The following ANKRD12 variants were observed in gnomAD, a reference collection of about 807,000 sequenced individuals.
ANKRD12 encodes ankyrin repeat domain-containing protein 12.
ANKRD12 carries 85 observed loss-of-function variants against 183.4 expected under a neutral mutation model. That is an observed-to-expected ratio of 0.46 (90% CI 0.39 to 0.56). ANKRD12 has a LOEUF of 0.56. ANKRD12 is among the 20% of genes least tolerant of loss of function. ANKRD12 has a pLI of 0.00. For synonymous variants in ANKRD12, 914 were observed against 800.2 expected (o/e 1.14, Z -2.40); for missense variants, 2,405 against 2,357.1 (o/e 1.02, Z -0.42).
intron 1 of ANKRD12, among the ~76,000 whole-genome samples, chr18:9,152,167 C>T (rs2078705455): frequency 6.6e-6 from 1 of 152,166 alleles, no homozygotes; most frequent in South Asian, 2.1e-4. Context: ...ATGCCCCCTT[C>T]TTTTTCAAAT....
At chr18:9,141,031 A>G (rs1280699043) in intron 1 of ANKRD12, among the ~76,000 whole-genome samples, 1 of 152,096 alleles carries the variant, frequency 6.6e-6, no homozygotes, top group Non-Finnish European at 1.5e-5. Context: ...CTCTGCCTCT[A>G]ATTAAGAGTG....
In ANKRD12 at chr18:9,258,566, C is replaced by T. The variant is rs139017810; in HGVS notation, c.5299C>T (p.Pro1767Ser). Residue 1767 changes from proline to serine, a missense_variant, in exon 9 of 13, where the codon CCT (proline) becomes TCT (serine). This residue lies in a region of ANKRD12 where 1,983 missense variants were observed against 1,725.9 expected (regional missense o/e 1.15). Coordinates refer to ENST00000262126, the MANE Select transcript of ANKRD12 (RefSeq NM_015208.5). ...LSEKDSESSS[P>S]RGRIRLTEDD... ...AGAAAAAGACAGTGAATCCTCATCT[C>T]CTAGAGGAAGAATAAGATTAACTGA... 54 of 1,613,622 alleles carry T rather than the reference C, an allele frequency of 3.3e-5. No homozygotes were observed. Among genetic ancestry groups the T allele is most frequent in the Non-Finnish European group, 4.2e-5 (49 of 1,179,876 alleles).
intron 1 of ANKRD12, among the ~76,000 whole-genome samples, chr18:9,157,606 T>A (rs1439731082): frequency 7.1e-6 from 1 of 141,442 alleles, no homozygotes; most frequent in Non-Finnish European, 1.5e-5. Context: ...TATATGTATT[T>A]TTTTTTTTTT....
In ANKRD12 at chr18:9,195,566, G is replaced by A; in HGVS notation, c.103G>A (p.Ala35Thr). ...TTTTTAATAGAGTAAAGACAAGATT[G>A]CATCCTACAGCAAAACTCCAAAAAT... ...PYGRKSKDKI[A>T]SYSKTPKIER... is the part of the protein sequence containing the mutation. Residue 35 changes from alanine (A) to threonine (T), a missense_variant, in exon 3 of 13, where the codon GCA becomes ACA. Around this residue, in one of 7 missense-constraint regions of ANKRD12, gnomAD observed 145 missense variants for 145.6 expected, o/e 1.00. Coordinates refer to ENST00000262126, the MANE Select transcript of ANKRD12 (RefSeq NM_015208.5). The A allele has an allele frequency of 6.2e-7, 1 of 1,605,566 alleles. No homozygotes were observed.
At chr18:9,151,469 C>T (rs980351709) in intron 1 of ANKRD12, among the ~76,000 whole-genome samples, 1 of 152,074 alleles carries the variant, frequency 6.6e-6, no homozygotes, top group African/African-American at 2.4e-5. Flanking sequence ...TTTAATTTTA[C>T]TTTCAAGAAG....
chr18:9,199,161 G>T (rs1373068345), intron 3 of ANKRD12, among the ~76,000 whole-genome samples: 1 of 152,020 alleles, frequency 6.6e-6, no homozygotes, highest in Non-Finnish European at 1.5e-5. Context: ...AGGCTTAGTG[G>T]TGTGTGCCTG....
rs764745333 is a variant in ANKRD12 at position 9,281,127 on chromosome 18, C to T, written c.*1C>T. The T allele has an allele frequency of 5.0e-5, 80 of 1,609,122 alleles. No individual in the cohort carries two copies. Among genetic ancestry groups the T allele is most frequent in the Non-Finnish European group, 6.6e-5 (78 of 1,176,600 alleles). Reference sequence around the variant, plus strand: ...CGACTTTGAATTGACTCCTATATAGCAGTCAGTACTTCCTGATGGTATTGT... The same window carrying T: ...CGACTTTGAATTGACTCCTATATAGTAGTCAGTACTTCCTGATGGTATTGT... On this transcript the variant is annotated 3_prime_UTR_variant, in exon 13 of 13. Transcript: ENST00000262126.
At chr18:9,163,302 C>T (rs1476641594) in intron 1 of ANKRD12, among the ~76,000 whole-genome samples, 1 of 152,140 alleles carries the variant, frequency 6.6e-6, no homozygotes, top group Non-Finnish European at 1.5e-5. Context: ...AATAGGGAAT[C>T]CTTTCTTCAT....
chr18:9,193,119 T>C (rs1212114192), intron 2 of ANKRD12, among the ~76,000 whole-genome samples: 1 of 150,858 alleles, frequency 6.6e-6, no homozygotes, highest in Non-Finnish European at 1.5e-5. Flanking sequence ...TTTAATAGTA[T>C]AAAATTGAGT....
At chr18:9,221,759 A>G in intron 7 of ANKRD12, 93 bp from the exon 8 acceptor site, 1 of 1,289,488 alleles carries the variant, frequency 7.8e-7, no homozygotes, top group Non-Finnish European at 1.1e-6. Flanking sequence ...ATGAGGTAAC[A>G]CTCAGAAGGA....
At chr18:9,244,115 C>G (rs747035699) in intron 8 of ANKRD12, among the ~76,000 whole-genome samples, 3 of 152,174 alleles carry the variant, frequency 2.0e-5, no homozygotes, top group Non-Finnish European at 4.4e-5. Flanking sequence ...ACCTGGACAA[C>G]AAGAGCGAAA....
At chr18:9,192,971 A>G (rs1040010367) in intron 2 of ANKRD12, among the ~76,000 whole-genome samples, 5 of 151,750 alleles carry the variant, frequency 3.3e-5, no homozygotes, top group Non-Finnish European at 7.4e-5. Flanking sequence ...GATTTTAGCC[A>G]CTGCACCCAG....
chr18:9,256,415 G>C lies in ANKRD12; in HGVS notation c.3148G>C (p.Asp1050His). Reference sequence around the variant, plus strand: ...CTTACTCAAACTAAAATCTGAAGCAGATAAGCCTAAACCTAAGTCATCACC... The same window carrying C: ...CTTACTCAAACTAAAATCTGAAGCACATAAGCCTAAACCTAAGTCATCACC... ...NSLLKLKSEA[D>H]KPKPKSSPAS... is the part of the protein sequence containing the mutation. The change falls in exon 9 of 13, where the codon GAT (aspartate) becomes CAT (histidine). Residue 1050 changes from aspartate to histidine, a missense_variant. Coordinates refer to ENST00000262126, the MANE Select transcript of ANKRD12 (RefSeq NM_015208.5). 1 of 1,611,616 alleles carries C rather than the reference G, an allele frequency of 6.2e-7. No homozygotes were observed. Among genetic ancestry groups the C allele is most frequent in the Non-Finnish European group, 8.5e-7 (1 of 1,179,324 alleles).
chr18:9,221,801 G>C, intron 7 of ANKRD12, 51 bp from the exon 8 acceptor site: 1 of 1,590,856 alleles, frequency 6.3e-7, no homozygotes, highest in Non-Finnish European at 8.6e-7. Context: ...AATGGGTGCA[G>C]TGATAACAAT....
rs775787876 is a variant in ANKRD12, at chr18:9,255,817, G to C, written c.2550G>C (p.Glu850Asp). Reference sequence around the variant, plus strand: ...AAAAAGAAAAGAAGATAAAACATGAGCATAAGTCAGAAAAAGACAAATTAG... The same window carrying C: ...AAAAAGAAAAGAAGATAAAACATGACCATAAGTCAGAAAAAGACAAATTAG... ...TFEKEKKIKH[E>D]HKSEKDKLDL... Residue 850 changes from glutamate (E) to aspartate (D), a missense_variant, in exon 9 of 13, where the codon GAG becomes GAC. Around this residue, in one of 7 missense-constraint regions of ANKRD12, gnomAD observed 1,983 missense variants for 1,725.9 expected, o/e 1.15. Coordinates refer to ENST00000262126, the MANE Select transcript of ANKRD12 (RefSeq NM_015208.5). 1 of 1,577,080 alleles carries C rather than the reference G, an allele frequency of 6.3e-7. No homozygotes were observed. The highest frequency in any genetic ancestry group is 8.5e-7 in the Non-Finnish European group (1 of 1,169,888).
At chr18:9,162,440 C>G (rs995063780) in intron 1 of ANKRD12, among the ~76,000 whole-genome samples, 1 of 152,040 alleles carries the variant, frequency 6.6e-6, no homozygotes, top group Non-Finnish European at 1.5e-5. Context: ...TTTCTTTATC[C>G]AGTCTATCAT....
At chr18:9,271,531 AT>A (rs1216640789) in intron 10 of ANKRD12, among the ~76,000 whole-genome samples, 64 of 151,186 alleles carry the variant, frequency 4.2e-4, no homozygotes, top group African/African-American at 1.2e-3. Context: ...AAAAAAAAAA[AT>A]TTTTTTATAG....
chr18:9,169,806 A>C (rs1355750254), intron 1 of ANKRD12, among the ~76,000 whole-genome samples: 2 of 152,002 alleles, frequency 1.3e-5, no homozygotes, highest in East Asian at 3.9e-4. Flanking sequence ...TCTTCCTAGC[A>C]TTGATGGTCT....
chr18:9,234,396 T>TG (rs1463833738), intron 8 of ANKRD12, among the ~76,000 whole-genome samples: 1 of 152,112 alleles, frequency 6.6e-6, no homozygotes, highest in African/African-American at 2.4e-5. Context: ...CTGCTGGTGG[T>TG]GGGGTCACTT....
Sources: gnomAD v4.1 joint callset for allele counts (sites outside exome capture counted in the v4.1 genomes callset) on GRCh38, gnomAD v4.1.1 for gene constraint, gnomAD v4.1.1 regional missense constraint, MANE v1.5 for transcripts, NCBI Gene and HGNC (gene_info 2026-07-23, HGNC 2026-07-21) for gene names.